The following CNTNAP5 variants were observed in gnomAD, a reference collection of about 807,000 sequenced individuals.
The protein encoded by CNTNAP5 is contactin-associated protein-like 5.
In CNTNAP5, 72 loss-of-function variants were observed where a neutral mutation model predicts 150.2. The observed-to-expected ratio is 0.48, with a 90% CI of 0.40 to 0.58. The LOEUF is 0.58. Among genes scored for constraint, CNTNAP5 ranks in the 20% least tolerant of loss-of-function variants. The pLI, the probability that CNTNAP5 is intolerant of heterozygous loss-of-function variation, is 0.00. For missense variants in CNTNAP5, 1,636 were observed against 1,626.2 expected (o/e 1.01, Z -0.10); for synonymous variants, 672 against 619.8 (o/e 1.08, Z -1.25).
At chr2:124,383,726 A>G (rs1690859992) in intron 3 of CNTNAP5, among the ~76,000 whole-genome samples, 1 of 152,206 alleles carries the variant, frequency 6.6e-6, no homozygotes, top group Non-Finnish European at 1.5e-5. Flanking sequence ...CAGAGTTCCT[A>G]CCATGATTGG....
chr2:124,451,051 AATATAT>A (rs1553469335), intron 6 of CNTNAP5, among the ~76,000 whole-genome samples: 15 of 65,300 alleles, frequency 2.3e-4, no homozygotes, highest in African/African-American at 8.7e-4. Context: ...AAAAAAAAAA[AATATAT>A]ATATATATAT....
At chr2:124,789,389 T>A (rs1224450105) in intron 17 of CNTNAP5, among the ~76,000 whole-genome samples, 2 of 152,194 alleles carry the variant, frequency 1.3e-5, no homozygotes, top group Non-Finnish European at 2.9e-5. Flanking sequence ...TAGAAGGACA[T>A]GTATTTTTTT....
chr2:124,349,406 G>A (rs570584384), intron 3 of CNTNAP5, among the ~76,000 whole-genome samples: 122 of 152,228 alleles, frequency 8.0e-4, no homozygotes, highest in Admixed American at 9.8e-4. Flanking sequence ...GGACCAAAAC[G>A]TCATTATGTA....
chr2:124,235,076 G>C (rs571209536), intron 2 of CNTNAP5, among the ~76,000 whole-genome samples: 1 of 152,292 alleles, frequency 6.6e-6, no homozygotes, highest in African/African-American at 2.4e-5. Flanking sequence ...AAGCTAGCAA[G>C]AGTATAGTCT....
chr2:124,841,941 C>T (rs372726922), intron 19 of CNTNAP5, among the ~76,000 whole-genome samples: 1 of 151,336 alleles, frequency 6.6e-6, no homozygotes, highest in East Asian at 1.9e-4. Flanking sequence ...CTGTCAGTAT[C>T]TGTAGTTACC....
chr2:124,778,393 C>T (rs537657935), intron 17 of CNTNAP5: 1 of 152,358 alleles, frequency 6.6e-6, no homozygotes, highest in African/African-American at 2.4e-5. Flanking sequence ...ATACTCTTCT[C>T]ATTTTGTTAT....
chr2:124,654,704 A>C (rs1678403539), intron 13 of CNTNAP5, among the ~76,000 whole-genome samples: 1 of 151,430 alleles, frequency 6.6e-6, no homozygotes, highest in Non-Finnish European at 1.5e-5. Flanking sequence ...CTGCTCCCAT[A>C]TTTCTTTCCT....
intron 3 of CNTNAP5, among the ~76,000 whole-genome samples, chr2:124,284,596 A>T (rs1688099013): frequency 6.6e-6 from 1 of 152,124 alleles, no homozygotes; most frequent in Non-Finnish European, 1.5e-5. Context: ...CATCCTGCAC[A>T]TGTATCCTGG....
At chr2:124,721,806 C>T (rs759535298) in intron 13 of CNTNAP5, among the ~76,000 whole-genome samples, 3 of 152,094 alleles carry the variant, frequency 2.0e-5, no homozygotes, top group Non-Finnish European at 4.4e-5. Context: ...TAACAAAATG[C>T]CACAGATTGA....
At chr2:124,856,601 A>AT (rs1326463823) in intron 19 of CNTNAP5, among the ~76,000 whole-genome samples, 1 of 152,126 alleles carries the variant, frequency 6.6e-6, no homozygotes, top group Non-Finnish European at 1.5e-5. Flanking sequence ...GATGTTGAGC[A>AT]TTTTATTTGG....
chr2:124,455,467 C>A (rs1382189584), intron 6 of CNTNAP5, among the ~76,000 whole-genome samples: 1 of 152,040 alleles, frequency 6.6e-6, no homozygotes, highest in Non-Finnish European at 1.5e-5. Flanking sequence ...TTCTACCAGA[C>A]ATTCAAAGAA....
intron 21 of CNTNAP5, among the ~76,000 whole-genome samples, chr2:124,899,453 T>A (rs1194399670): frequency 6.6e-6 from 1 of 151,560 alleles, no homozygotes; most frequent in East Asian, 1.9e-4. Flanking sequence ...AGAACCTTAT[T>A]TTGATGATAT....
chr2:124,463,022 C>T (rs753732070), intron 6 of CNTNAP5, among the ~76,000 whole-genome samples: 12 of 152,114 alleles, frequency 7.9e-5, no homozygotes, highest in African/African-American at 9.7e-5. Context: ...TTCTGGAAGG[C>T]GGTGGCAACC....
chr2:124,915,485 G>A lies in CNTNAP5; in HGVS notation c.*1197G>A, dbSNP rs992236216. Among the ~76,000 whole-genome samples the A allele has an allele frequency of 6.6e-6, 1 of 151,960 alleles. No individual in the cohort carries two copies. The highest frequency in any genetic ancestry group is 2.4e-5 in the African/African-American group (1 of 41,404). Reference sequence around the variant, plus strand: ...CAAGTTTCACATTTTTTAACATCAAGCTATTCTCCAAGAAGTTTAGGATGC... The same window carrying A: ...CAAGTTTCACATTTTTTAACATCAAACTATTCTCCAAGAAGTTTAGGATGC... On this transcript the variant is annotated 3_prime_UTR_variant, in exon 24 of 24. Transcript: ENST00000682447.
At chr2:124,110,112 A>G (rs995111486) in intron 1 of CNTNAP5, among the ~76,000 whole-genome samples, 1 of 152,198 alleles carries the variant, frequency 6.6e-6, no homozygotes, top group African/African-American at 2.4e-5. Flanking sequence ...AGGAGGTCCA[A>G]TCATTTGCAG....
intron 3 of CNTNAP5, among the ~76,000 whole-genome samples, chr2:124,341,556 C>A (rs1689615038): frequency 6.6e-6 from 1 of 152,102 alleles, no homozygotes; most frequent in East Asian, 1.9e-4. Flanking sequence ...TCCAATTAAA[C>A]AATTGTGTCT....
chr2:124,365,042 G>C (rs1228212932), intron 3 of CNTNAP5, among the ~76,000 whole-genome samples: 2 of 152,090 alleles, frequency 1.3e-5, no homozygotes, highest in Non-Finnish European at 2.9e-5. Flanking sequence ...CATGGTTCTT[G>C]AATGAATTTT....
At chr2:124,860,681 T>C (rs1388169676) in intron 19 of CNTNAP5, among the ~76,000 whole-genome samples, 1 of 152,050 alleles carries the variant, frequency 6.6e-6, no homozygotes, top group Non-Finnish European at 1.5e-5. Context: ...TCCCAAGGAT[T>C]TTATTGATTT....
At chr2:124,819,115 C>T (rs974498783) in intron 19 of CNTNAP5, among the ~76,000 whole-genome samples, 1 of 152,090 alleles carries the variant, frequency 6.6e-6, no homozygotes, top group Non-Finnish European at 1.5e-5. Context: ...AACCTTCACT[C>T]TCTGCCTTCT....
Sources: allele counts gnomAD v4.1 joint callset (sites outside exome capture counted in the v4.1 genomes callset), GRCh38; gene constraint gnomAD v4.1.1; transcripts MANE v1.5; gene names NCBI Gene and HGNC (gene_info 2026-07-23, HGNC 2026-07-21).